The following EYA2 variants were observed in gnomAD, a reference collection of about 807,000 sequenced individuals.
The protein encoded by EYA2 is protein phosphatase EYA2.
EYA2 carries 31 observed loss-of-function variants against 69.2 expected under a neutral mutation model. The observed-to-expected ratio is 0.45, with a 90% CI of 0.34 to 0.60. The LOEUF (loss-of-function observed/expected upper bound fraction) is 0.60. Among genes scored for constraint, EYA2 ranks in the 20% least tolerant of loss-of-function variants. The probability of loss-of-function intolerance (pLI) is 0.02; values close to 1 mark genes in which losing one functional copy is unlikely to be tolerated. For synonymous variants in EYA2, 257 were observed against 279.4 expected (o/e 0.92, Z 0.80); for missense variants, 622 against 701.2 (o/e 0.89, Z 1.28).
At chr20:46,973,959 T>C (rs773653621) in intron 1 of EYA2, among the ~76,000 whole-genome samples, 1 of 152,148 alleles carries the variant, frequency 6.6e-6, no homozygotes, top group Non-Finnish European at 1.5e-5. Context: ...AAAGATTAAT[T>C]TTAAGACATC....
At chr20:46,963,302 G>A (rs1979583721) in intron 1 of EYA2, among the ~76,000 whole-genome samples, 1 of 152,248 alleles carries the variant, frequency 6.6e-6, no homozygotes, top group East Asian at 1.9e-4. Context: ...GCAAAAGCTG[G>A]GTCTGTCTCT....
At chr20:47,165,192 T>C (rs2034157056) in intron 10 of EYA2, among the ~76,000 whole-genome samples, 1 of 152,216 alleles carries the variant, frequency 6.6e-6, no homozygotes, top group African/African-American at 2.4e-5. Flanking sequence ...TGGCTCTAGA[T>C]TCTTTCAATG....
chr20:47,037,381 T>C (rs1984780413), intron 5 of EYA2, among the ~76,000 whole-genome samples: 1 of 152,120 alleles, frequency 6.6e-6, no homozygotes, highest in East Asian at 1.9e-4. Flanking sequence ...ACACTGAGAA[T>C]AGACATGGCG....
At chr20:47,005,472 G>A (rs922328999) in intron 4 of EYA2, among the ~76,000 whole-genome samples, 2 of 152,194 alleles carry the variant, frequency 1.3e-5, no homozygotes, top group Admixed American at 1.3e-4. Context: ...AGCAAAGATG[G>A]TGCCTGTCCA....
chr20:47,104,801 A>T (rs1217448548), intron 9 of EYA2, among the ~76,000 whole-genome samples: 1 of 152,142 alleles, frequency 6.6e-6, no homozygotes, highest in Non-Finnish European at 1.5e-5. Flanking sequence ...CAGGTGGATT[A>T]CATGAGGCCA....
chr20:47,027,401 A>G (rs1445472147), intron 5 of EYA2, among the ~76,000 whole-genome samples: 1 of 152,156 alleles, frequency 6.6e-6, no homozygotes, highest in African/African-American at 2.4e-5. Context: ...CACACAATGA[A>G]GTGGGTGAAG....
chr20:46,918,182 G>A (rs913266448), intron 1 of EYA2, among the ~76,000 whole-genome samples: 6 of 151,820 alleles, frequency 4.0e-5, no homozygotes, highest in South Asian at 2.1e-4. Context: ...TTAGCCGGGC[G>A]TGGTGGCAGG....
rs112673913 is a variant in EYA2 at position 47,005,950 on chromosome 20, CAG to C, written c.298+867_298+868del. Among the ~76,000 whole-genome samples, 608 of 152,312 alleles carry C rather than the reference CAG, an allele frequency of 4.0e-3. 2 individuals carry two copies. The highest frequency in any genetic ancestry group is 4.6e-3 in the Non-Finnish European group (315 of 68,016). ...ACCCAAGCTAATCAGCTGGAGGAAA[CAG>C]GGGAATTTATTGCCTATGTAGCTGG... is the stretch of plus-strand genomic sequence containing the variant. On this transcript the variant is annotated intron_variant, in intron 4 of 15. Transcript: ENST00000327619.
At chr20:47,013,193 G>A (rs952378531) in intron 4 of EYA2, among the ~76,000 whole-genome samples, 13 of 152,180 alleles carry the variant, frequency 8.5e-5, no homozygotes, top group Non-Finnish European at 2.9e-5. Flanking sequence ...AACCAGCCCC[G>A]CCCTCCTGGA....
chr20:47,043,621 G>A (rs1168241222), intron 5 of EYA2, among the ~76,000 whole-genome samples: 1 of 152,162 alleles, frequency 6.6e-6, no homozygotes, highest in Non-Finnish European at 1.5e-5. Flanking sequence ...CCTTGGACAA[G>A]TTTCTTAACC....
chr20:47,087,320 C>T (rs559193826), intron 7 of EYA2, among the ~76,000 whole-genome samples: 53 of 152,268 alleles, frequency 3.5e-4, no homozygotes, highest in South Asian at 2.1e-4. Context: ...GCAATTAGGG[C>T]AGGAAGGATG....
At chr20:47,175,332 A>G (rs1380844514) in intron 12 of EYA2, among the ~76,000 whole-genome samples, 1 of 152,146 alleles carries the variant, frequency 6.6e-6, no homozygotes, top group Non-Finnish European at 1.5e-5. Flanking sequence ...GTAAATCACC[A>G]TCTAGGAGGC....
chr20:46,987,955 T>TCTCTCTCTCTCTCC (rs1981365364), intron 1 of EYA2, among the ~76,000 whole-genome samples: 2 of 53,120 alleles, frequency 3.8e-5, no homozygotes, highest in East Asian at 1.1e-3. Context: ...TCTCTCTCTC[T>TCTCTCTCTCTCTCC]CTCTCTCTCT....
chr20:46,949,226 C>G (rs6066133), intron 1 of EYA2, among the ~76,000 whole-genome samples: 48,222 of 152,118 alleles, frequency 0.32, 9,441 homozygotes, highest in Non-Finnish European at 0.44. Context: ...GTTTTAAGTC[C>G]TCTTAGAAAG....
rs375594536 is a variant in EYA2, at chr20:46,921,866, T to A, written c.-11+26879T>A. On this transcript the variant is annotated intron_variant, in intron 1 of 15. Transcript: ENST00000327619. ...TTATTTCTTTTTTACTTAAAGAAGT[T>A]TGAATGGAGTCTTCTCCCAATTGCT... Among the ~76,000 whole-genome samples, 102 of 152,356 alleles carry A rather than the reference T, an allele frequency of 6.7e-4. 1 individual carries two copies. In the South Asian group the frequency reaches 0.02, roughly 31 times the overall value.
intron 1 of EYA2, among the ~76,000 whole-genome samples, chr20:46,957,561 ACACACACACACACACAC>A (rs1568686789): frequency 6.0e-5 from 9 of 150,862 alleles, no homozygotes; most frequent in South Asian, 4.2e-4. Context: ...ACACACACAC[ACACACACACACACACAC>A]GAAGACAATG....
intron 11 of EYA2, among the ~76,000 whole-genome samples, chr20:47,171,486 T>C (rs2034321778): frequency 6.6e-6 from 1 of 152,204 alleles, no homozygotes; most frequent in Non-Finnish European, 1.5e-5. Context: ...TCTAAATGCA[T>C]TACATGGGAT....
At chr20:47,104,850 A>G (rs566777613) in intron 9 of EYA2, among the ~76,000 whole-genome samples, 47 of 151,972 alleles carry the variant, frequency 3.1e-4, no homozygotes, top group Admixed American at 9.8e-4. Context: ...GTGAAACTCC[A>G]TCTCTACTAA....
chr20:47,179,890 G>A lies in EYA2; in HGVS notation c.1291G>A (p.Ala431Thr), dbSNP rs1459057268. The change falls in exon 13 of 16, where the codon GCA becomes ACA. Residue 431 changes from alanine to threonine, a missense_variant. By Grantham distance (58) the Ala-to-Thr change is moderately conservative (BLOSUM62 0). Transcript: ENST00000327619. The part of the protein sequence containing the change: ...TDLWLTHSLK[A>T]LNLINSRPNC... ...CCTCTGGCTGACCCACTCCCTGAAG[G>A]CACTAAACCTCATCAACTCCCGGCA... 6.2e-7 allele frequency: 1 copy of A among 1,613,942 alleles called. No individual in the cohort carries two copies. Among genetic ancestry groups the A allele is most frequent in the Non-Finnish European group, 8.5e-7 (1 of 1,179,930 alleles).
Sources: allele counts gnomAD v4.1 joint callset (sites outside exome capture counted in the v4.1 genomes callset), GRCh38; gene constraint gnomAD v4.1.1; transcripts MANE v1.5; gene names NCBI Gene and HGNC (gene_info 2026-07-23, HGNC 2026-07-21).